The following NR1D1 variants were observed in gnomAD, a reference collection of about 807,000 sequenced individuals.
NR1D1 encodes the protein nuclear receptor subfamily 1 group D member 1, also known as Rev-ErbAalpha.
Under a neutral mutation model 51.1 loss-of-function variants are expected in NR1D1, and 17 were observed. The ratio of observed to expected loss-of-function variants is 0.33; its 90% CI spans 0.23 to 0.50. The LOEUF (loss-of-function observed/expected upper bound fraction) is 0.50, where lower values mean the gene tolerates loss of function less well. Ranked by LOEUF, NR1D1 falls within the 20% of genes least tolerant of loss-of-function variation. NR1D1 has a pLI of 0.98. For missense variants in NR1D1, 647 were observed against 830.4 expected, an observed-to-expected ratio of 0.78 and a Z score of 2.71; for synonymous variants, 341 against 333.4, an observed-to-expected ratio of 1.02 and a Z score of -0.25.
At position 40,097,091 on chromosome 17, in the gene NR1D1, G is replaced by A; in HGVS notation, c.344C>T (p.Pro115Leu). The A allele has an allele frequency of 6.2e-7, 1 of 1,603,940 alleles. No homozygotes were observed. Among genetic ancestry groups the A allele is most frequent in the Non-Finnish European group, 8.5e-7 (1 of 1,174,558 alleles). The change falls in exon 2 of 8, where the codon CCC becomes CTC. Residue 115 changes from proline to leucine, a missense_variant. Physicochemically the swap from Pro to Leu is moderately conservative, Grantham distance 98. Transcript: ENST00000246672. ...GGTGATGTTGCTGGTGCTCTTGCTGGGGGACACTCGGCTGCTGTCCTCCAT... is the reference window on the plus strand; with the variant it reads ...GGTGATGTTGCTGGTGCTCTTGCTGAGGGACACTCGGCTGCTGTCCTCCAT... ...VAMEDSSRVS[P>L]SKSTSNITKL...
rs760399765 is a variant in NR1D1, at chr17:40,097,243, C to T, written c.192G>A (p.Pro64=). 6 of 1,611,478 alleles carry T rather than the reference C, an allele frequency of 3.7e-6. 1 individual carries two copies. In the Admixed American group the frequency reaches 6.7e-5, roughly 18 times the overall value. The change falls in exon 2 of 8, where the codon CCG becomes CCA. Residue 64 remains proline (P), a synonymous_variant. Coordinates refer to ENST00000246672, the MANE Select transcript of NR1D1 (RefSeq NM_021724.5). The part of the protein sequence containing the change: ...PSPTGSLTQD[P]ARSFGSIPPS... ...GTGGAATGCTCCCAAAGGAGCGAGC[C>T]GGGTCTTGGGTGAGGGAGCCAGTGG...
rs1987841225 is a variant in NR1D1 at position 40,099,790 on chromosome 17, ACC to A, written c.31+272_31+273del. 2.6e-5 allele frequency among the ~76,000 whole-genome samples: 4 copies of A among 151,904 alleles called. 1 individual carries two copies. Among genetic ancestry groups the A allele is most frequent in the Admixed American group, 2.0e-4 (3 of 15,244 alleles). On this transcript the variant is annotated intron_variant, in intron 1 of 7. Coordinates refer to ENST00000246672, the MANE Select transcript of NR1D1 (RefSeq NM_021724.5). ...CCAGTCCCCCTAAATTCTTCGCTTC[ACC>A]ACCCGTACCTCCTCTCCATTTCCTC...
intron 1 of NR1D1, 41 bp from the exon 2 acceptor site, chr17:40,097,444 G>T: frequency 6.6e-7 from 1 of 1,517,358 alleles, no homozygotes; most frequent in Non-Finnish European, 9.0e-7. Flanking sequence ...CAGCCGCCAT[G>T]TCTCCGGACC....
chr17:40,098,549 A>T (rs1319430125), intron 1 of NR1D1, among the ~76,000 whole-genome samples: 2 of 152,188 alleles, frequency 1.3e-5, no homozygotes, highest in African/African-American at 4.8e-5. Context: ...AAGGAGTGAG[A>T]CCTTCATGCA....
Position 40,096,497 on chromosome 17 carries a change from G to A in NR1D1, c.550C>T (p.Arg184Cys), listed in dbSNP as rs777777869. The A allele has an allele frequency of 3.1e-6, 5 of 1,614,102 alleles. No homozygotes were observed. The highest frequency in any genetic ancestry group is 1.3e-5 in the African/African-American group (1 of 74,934). ...NCSIVRINRN[R>C]CQQCRFKKCL... ...TTCTTGAAGCGACATTGCTGGCAGC[G>A]GTTGCGATTGATGCGGACGATGGAG... is the stretch of plus-strand genomic sequence containing the variant. The change falls in exon 4 of 8, where the codon CGC becomes TGC. Residue 184 changes from arginine to cysteine, a missense_variant. By Grantham distance (180) the Arg-to-Cys change is radical. Around this residue, in one of 7 missense-constraint regions of NR1D1, gnomAD observed 70 missense variants for 134.8 expected, o/e 0.52. Coordinates refer to ENST00000246672, the MANE Select transcript of NR1D1 (RefSeq NM_021724.5).
chr17:40,094,872 T>C (rs1987715400), intron 6 of NR1D1, 63 bp downstream of exon 6: 2 of 1,539,452 alleles, frequency 1.3e-6, no homozygotes, highest in Admixed American at 3.5e-5. Context: ...CACTCCAGCC[T>C]GGGCGACAAG....
Position 40,094,081 on chromosome 17 carries a change from G to C in NR1D1, c.1476C>G (p.Asp492Glu). Reference protein sequence around the residue: ...VRFASLFNVKDQTVMFLSRTT... With the variant: ...VRFASLFNVKEQTVMFLSRTT... ...TGCGGCTTAGGAACATCACTGTCTG[G>C]TCCTTCACGTTGAACAACGAAGCAA... The change falls in exon 7 of 8, where the codon GAC becomes GAG. Residue 492 changes from aspartate to glutamate, a missense_variant. Coordinates refer to ENST00000246672, the MANE Select transcript of NR1D1 (RefSeq NM_021724.5). The C allele has an allele frequency of 6.2e-7, 1 of 1,614,022 alleles. No individual in the cohort carries two copies. Among genetic ancestry groups the C allele is most frequent in the Non-Finnish European group, 8.5e-7 (1 of 1,180,038 alleles).
chr17:40,099,300 A>C (rs1326517756), intron 1 of NR1D1, among the ~76,000 whole-genome samples: 2 of 152,228 alleles, frequency 1.3e-5, no homozygotes, highest in South Asian at 2.1e-4. Flanking sequence ...TAGCAGGGCC[A>C]GGACAACCTA....
In NR1D1 at chr17:40,095,132, A is replaced by AT. The variant is rs141144358; in HGVS notation, c.1249-13_1249-12insA. 512,487 of 1,607,360 alleles carry AT rather than the reference A, an allele frequency of 0.32. 86,632 individuals carry two copies. The highest frequency in any genetic ancestry group is 0.41 in the Middle Eastern group (2,326 of 5,630). On this transcript the variant is annotated splice_polypyrimidine_tract_variant and intron_variant, in intron 5 of 7. Coordinates refer to ENST00000246672, the MANE Select transcript of NR1D1 (RefSeq NM_021724.5). ...TTCATAGGACATGCCTGGGGGAGGAAAAGATTGAAGGAGGGGAGTGTCAGC... is the reference window on the plus strand; with the variant it reads ...TTCATAGGACATGCCTGGGGGAGGAATAAGATTGAAGGAGGGGAGTGTCAGC...
At position 40,096,340 on chromosome 17, in the gene NR1D1, T is replaced by C. The variant is rs564831200; in HGVS notation, c.604+103A>G. ...GATGGACATCCCCTGGCACATGTGA[T>C]TCACAGTATGATGTGTCTCCATTTG... On this transcript the variant is annotated intron_variant, in intron 4 of 7. Transcript: ENST00000246672. 28 of 1,535,388 alleles carry C rather than the reference T, an allele frequency of 1.8e-5. No homozygotes were observed. In the Admixed American group the frequency reaches 3.3e-4, roughly 18 times the overall value.
intron 1 of NR1D1, among the ~76,000 whole-genome samples, chr17:40,099,641 G>C (rs1024249278): frequency 5.3e-5 from 8 of 151,998 alleles, no homozygotes; most frequent in Admixed American, 5.2e-4. Flanking sequence ...AGATTCCCTC[G>C]CGCCTGCAGG....
In NR1D1 at chr17:40,093,960, T is replaced by C; in HGVS notation, c.1597A>G (p.Thr533Ala). 2 of 1,613,956 alleles carry C rather than the reference T, an allele frequency of 1.2e-6. No individual in the cohort carries two copies. The highest frequency in any genetic ancestry group is 1.7e-6 in the Non-Finnish European group (2 of 1,180,030). ...FSEKLNSLALTEEELGLFTAV... is the reference protein window; with the variant it reads ...FSEKLNSLALAEEELGLFTAV... ...GTGAAGAGGCCCAGCTCCTCCTCGGTAAGCGCCAGGGAGTTGAGCTTCTCG... is the reference window on the plus strand; with the variant it reads ...GTGAAGAGGCCCAGCTCCTCCTCGGCAAGCGCCAGGGAGTTGAGCTTCTCG... Residue 533 changes from threonine (T) to alanine (A), a missense_variant, in exon 7 of 8, where the codon ACC (threonine) becomes GCC (alanine). Coordinates refer to ENST00000246672, the MANE Select transcript of NR1D1 (RefSeq NM_021724.5). This position sits in a 1 kb window ranked among gnomAD's most constrained non-coding sequence, Gnocchi z 5.9.
intron 6 of NR1D1, 31 bp downstream of exon 6, chr17:40,094,904 A>AG: frequency 6.2e-7 from 1 of 1,606,940 alleles, no homozygotes; most frequent in African/African-American, 1.3e-5. Flanking sequence ...CTCAAAAAAA[A>AG]CAAAAACCAG....
intron 1 of NR1D1, among the ~76,000 whole-genome samples, 167 bp downstream of exon 1, chr17:40,099,897 C>A (rs929218356): frequency 6.6e-6 from 1 of 152,058 alleles, no homozygotes; most frequent in Non-Finnish European, 1.5e-5. Flanking sequence ...CATTTCCAGC[C>A]CGAACAAGCC....
chr17:40,092,802 A>T lies in NR1D1; in HGVS notation c.*281T>A. On this transcript the variant is annotated 3_prime_UTR_variant, in exon 8 of 8. Transcript: ENST00000246672. ...CACCACAGAAGCCAGCTCAGCTGTG[A>T]ACTATTGGATTTGAGACAGGAACAG... is the stretch of plus-strand genomic sequence containing the variant. The T allele has an allele frequency of 1.8e-6, 1 of 564,130 alleles. No homozygotes were observed. Among genetic ancestry groups the T allele is most frequent in the Non-Finnish European group, 2.8e-6 (1 of 354,046 alleles). The allele number at this position is 564,130 out of a possible 1,614,324, so 34.9% of individuals were successfully genotyped here. A position where few individuals can be genotyped will look rare whatever the true frequency, so the allele number is the denominator to read the frequency against.
intron 2 of NR1D1, 114 bp from the exon 3 acceptor site, chr17:40,096,893 T>C: frequency 8.1e-7 from 1 of 1,239,254 alleles, no homozygotes; most frequent in Admixed American, 1.8e-5. Context: ...GGAACTCCAG[T>C]GTTGAGGGGC....
chr17:40,097,002 A>T, intron 2 of NR1D1, 63 bp downstream of exon 2: 1 of 1,470,968 alleles, frequency 6.8e-7, no homozygotes, highest in Non-Finnish European at 9.3e-7. Context: ...TCACGTAAAA[A>T]CCCATTCCCA....
intron 1 of NR1D1, among the ~76,000 whole-genome samples, chr17:40,098,660 C>T (rs1229994777): frequency 1.3e-5 from 2 of 152,186 alleles, no homozygotes; most frequent in Admixed American, 6.5e-5. Flanking sequence ...ACATCAACTC[C>T]CCTCTTTGGG....
At chr17:40,094,349 C>T (rs1213705916) in intron 6 of NR1D1, among the ~76,000 whole-genome samples, 1 of 152,208 alleles carries the variant, frequency 6.6e-6, no homozygotes, top group African/African-American at 2.4e-5. Context: ...TTGGGCAAGG[C>T]ATTCACCAAA....
Sources: gnomAD v4.1 joint callset for allele counts (sites outside exome capture counted in the v4.1 genomes callset) on GRCh38, gnomAD v4.1.1 for gene constraint, gnomAD v4.1.1 regional missense constraint, Gnocchi (gnomAD v3.1) non-coding constraint, MANE v1.5 for transcripts, NCBI Gene and HGNC (gene_info 2026-07-23, HGNC 2026-07-21) for gene names.